MAP2K7: variants seen among roughly 807,000 people sequenced by gnomAD.
MAP2K7 encodes dual specificity mitogen-activated protein kinase kinase 7.
A neutral mutation model predicts 47.7 loss-of-function variants in MAP2K7; 12 were observed. The ratio of observed to expected loss-of-function variants is 0.25; its 90% CI spans 0.16 to 0.41. MAP2K7 has a LOEUF of 0.41. Ranked by LOEUF, MAP2K7 falls within the 10% of genes least tolerant of loss-of-function variation. MAP2K7 has a pLI of 1.00. For synonymous variants in MAP2K7, 299 were observed against 243.0 expected (o/e 1.23, Z -2.14); for missense variants, 415 against 600.3 (o/e 0.69, Z 3.23).
chr19:7,912,462 C>T lies in MAP2K7; in HGVS notation c.*31C>T. ...TGGCGGCGGCCAGCCCCACAGGGGG[C>T]CAGGGGCATGGCCACAGGCCCCCCT... On this transcript the variant is annotated 3_prime_UTR_variant, in exon 11 of 11. Coordinates refer to ENST00000397979, the MANE Select transcript of MAP2K7 (RefSeq NM_145185.4). 6.3e-7 allele frequency: 1 copy of T among 1,593,546 alleles called. No homozygotes were observed. Among genetic ancestry groups the T allele is most frequent in the Non-Finnish European group, 8.5e-7 (1 of 1,174,000 alleles).
At position 7,911,175 on chromosome 19, in the gene MAP2K7, C is replaced by A; in HGVS notation, c.855+16C>A. 1.2e-6 allele frequency: 2 copies of A among 1,608,140 alleles called. No homozygotes were observed. Among genetic ancestry groups the A allele is most frequent in the South Asian group, 1.1e-5 (1 of 90,912 alleles). ...CTACATGGCAGTGAGTGGGGGCCCC[C>A]CAGCGGGGGAGGGGGTGGGGGCTGG... On this transcript the variant is annotated intron_variant, in intron 7 of 10. Coordinates refer to ENST00000397979, the MANE Select transcript of MAP2K7 (RefSeq NM_145185.4).
intron 1 of MAP2K7, chr19:7,904,502 A>C (rs541198226): frequency 1.4e-4 from 46 of 322,208 alleles, no homozygotes; most frequent in South Asian, 9.7e-4. Flanking sequence ...AGCCCCGTGC[A>C]GCGACGATCT....
rs117424304 is a variant in MAP2K7, at chr19:7,910,202, G to A, written c.334-58G>A. 9.7e-3 allele frequency: 15,554 copies of A among 1,601,832 alleles called. 98 individuals carry two copies. Among genetic ancestry groups the A allele is most frequent in the Non-Finnish European group, 0.012 (13,900 of 1,173,806 alleles). On this transcript the variant is annotated intron_variant, in intron 3 of 10. Transcript: ENST00000397979. ...GGACCCATCCTGGGAGCGCCAGTGG[G>A]GGGCAGGGGGCGGTGGCAGAGGCCC...
At chr19:7,910,620 GCCCCTTCCTA>G in intron 5 of MAP2K7, 48 bp downstream of exon 5, 1 of 1,611,896 alleles carries the variant, frequency 6.2e-7, no homozygotes, top group Non-Finnish European at 8.5e-7. Context: ...CCTCACCCCT[GCCCCTTCCTA>G]GGGAGCAGAG....
intron 1 of MAP2K7, 49 bp downstream of exon 1, chr19:7,904,117 G>T (rs1249387212): frequency 2.5e-6 from 3 of 1,197,748 alleles, no homozygotes; most frequent in Non-Finnish European, 2.1e-6. Flanking sequence ...GGCGGGGCGC[G>T]CGCCGCGGGA....
rs572635764 is a variant in MAP2K7, at chr19:7,905,705, C to A, written c.124+1637C>A. The A allele has an allele frequency of 1.1e-4, 109 of 1,029,718 alleles. 1 individual carries two copies. The South Asian group carries it at 1.4e-3, about 13-fold the overall frequency. The allele number at this position is 1,029,718 out of a possible 1,614,324, so 63.8% of individuals were successfully genotyped here. On this transcript the variant is annotated intron_variant, in intron 1 of 10. Coordinates refer to ENST00000397979, the MANE Select transcript of MAP2K7 (RefSeq NM_145185.4). ...CCATCTCTGCAGTTCGGTGCCTCCCCCTCCTCCTCGTTTATGATTTGATTT... is the reference window on the plus strand; with the variant it reads ...CCATCTCTGCAGTTCGGTGCCTCCCACTCCTCCTCGTTTATGATTTGATTT...
In MAP2K7 at chr19:7,903,910, C is replaced by A; in HGVS notation, c.-35C>A. 2.1e-6 allele frequency: 3 copies of A among 1,460,902 alleles called. No homozygotes were observed. The highest frequency in any genetic ancestry group is 1.8e-6 in the Non-Finnish European group (2 of 1,097,644). The allele number at this position is 1,460,902 out of a possible 1,614,324, so 90.5% of individuals were successfully genotyped here. A position where few individuals can be genotyped will look rare whatever the true frequency, so the allele number is the denominator to read the frequency against. On this transcript the variant is annotated 5_prime_UTR_variant, in exon 1 of 11. Transcript: ENST00000397979. ...GTTTGTCTGCCGGACTGACGGGCGGCCGGGCGGTGCGCGGCGGCGGTGGCG... is the reference window on the plus strand; with the variant it reads ...GTTTGTCTGCCGGACTGACGGGCGGACGGGCGGTGCGCGGCGGCGGTGGCG...
At position 7,909,863 on chromosome 19, in the gene MAP2K7, C is replaced by G; in HGVS notation, c.233C>G (p.Pro78Arg). Residue 78 changes from proline to arginine, a missense_variant, in exon 2 of 11, where the codon CCG (proline) becomes CGG (arginine). By Grantham distance (103) the Pro-to-Arg change is moderately radical. Transcript: ENST00000397979. ...PARPRHMLGL[P>R]STLFTPRSME... ...CGGCCCCGCCACATGCTGGGGCTCCCGTCAACCCTGTTCACACCCCGCAGC... is the reference window on the plus strand; with the variant it reads ...CGGCCCCGCCACATGCTGGGGCTCCGGTCAACCCTGTTCACACCCCGCAGC... 6.5e-7 allele frequency: 1 copy of G among 1,537,008 alleles called. No individual in the cohort carries two copies. The highest frequency in any genetic ancestry group is 8.8e-7 in the Non-Finnish European group (1 of 1,141,018).
chr19:7,903,915 C>T lies in MAP2K7; in HGVS notation c.-30C>T, dbSNP rs750185756. 2.2e-5 allele frequency: 33 copies of T among 1,469,586 alleles called. No individual in the cohort carries two copies. Among genetic ancestry groups the T allele is most frequent in the Middle Eastern group, 1.9e-4 (1 of 5,368 alleles). 91.0% of individuals were successfully genotyped at this position (1,469,586 alleles called of 1,614,324 possible). On this transcript the variant is annotated 5_prime_UTR_variant, in exon 1 of 11. Coordinates refer to ENST00000397979, the MANE Select transcript of MAP2K7 (RefSeq NM_145185.4). ...TCTGCCGGACTGACGGGCGGCCGGGCGGTGCGCGGCGGCGGTGGCGGCGGG... is the reference window on the plus strand; with the variant it reads ...TCTGCCGGACTGACGGGCGGCCGGGTGGTGCGCGGCGGCGGTGGCGGCGGG...
chr19:7,911,589 C>T lies in MAP2K7; in HGVS notation c.1079+11C>T, dbSNP rs921586943. On this transcript the variant is annotated intron_variant, in intron 9 of 10. Coordinates refer to ENST00000397979, the MANE Select transcript of MAP2K7 (RefSeq NM_145185.4). The stretch of plus-strand genomic sequence containing the variant: ...CTTCGTCAAAGACTGGTGAGAACCT[C>T]CCTCCACTTGGGAGGTCAGGGACAG... 15 of 1,574,832 alleles carry T rather than the reference C, an allele frequency of 9.5e-6. No homozygotes were observed. Among genetic ancestry groups the T allele is most frequent in the African/African-American group, 6.7e-5 (5 of 74,110 alleles).
rs77297442 is a variant in MAP2K7 at position 7,910,028 on chromosome 19, A to T, written c.267-35A>T. On this transcript the variant is annotated intron_variant, in intron 2 of 10. Coordinates refer to ENST00000397979, the MANE Select transcript of MAP2K7 (RefSeq NM_145185.4). Reference sequence around the variant, plus strand: ...CTGGGGTGGCCAACCTAAGGTCAGGACCCACCTCCACCGGCACCTGCTCCA... The same window carrying T: ...CTGGGGTGGCCAACCTAAGGTCAGGTCCCACCTCCACCGGCACCTGCTCCA... 7 of 1,568,732 alleles carry T rather than the reference A, an allele frequency of 4.5e-6. No homozygotes were observed. The East Asian group carries it at 1.6e-4, about 36-fold the overall frequency.
intron 1 of MAP2K7, chr19:7,905,680 C>G: frequency 1.2e-6 from 1 of 801,062 alleles, no homozygotes; most frequent in South Asian, 1.4e-5. Context: ...CGGTTCCTAG[C>G]CATCTCTGCA....
rs569938338 is a variant in MAP2K7 at position 7,911,234 on chromosome 19, C to CCT, written c.856-14_856-13dup. On this transcript the variant is annotated splice_polypyrimidine_tract_variant and intron_variant, in intron 7 of 10. Coordinates refer to ENST00000397979, the MANE Select transcript of MAP2K7 (RefSeq NM_145185.4). Reference sequence around the variant, plus strand: ...CCCCAGCCTTGGAGATACGTCTTCTCCTCCCCCCCCTGCAGCCCGAGCGCA... The same window carrying CCT: ...CCCCAGCCTTGGAGATACGTCTTCTCCTCTCCCCCCCCTGCAGCCCGAGCGCA... 4 of 1,606,924 alleles carry CCT rather than the reference C, an allele frequency of 2.5e-6. No individual in the cohort carries two copies. In the African/African-American group the frequency reaches 5.4e-5, roughly 22 times the overall value.
At position 7,912,285 on chromosome 19, in the gene MAP2K7, T is replaced by C. The variant is rs781624875; in HGVS notation, c.1126-12T>C. 1 of 1,612,834 alleles carries C rather than the reference T, an allele frequency of 6.2e-7. No individual in the cohort carries two copies. The highest frequency in any genetic ancestry group is 8.5e-7 in the Non-Finnish European group (1 of 1,179,698). On this transcript the variant is annotated splice_polypyrimidine_tract_variant and intron_variant, in intron 10 of 10. Coordinates refer to ENST00000397979, the MANE Select transcript of MAP2K7 (RefSeq NM_145185.4). ...CCGTCTCCTCCTAAGCCCCACCCCCTCGGGCCCACAGGAACACAGCTTCAT... is the reference window on the plus strand; with the variant it reads ...CCGTCTCCTCCTAAGCCCCACCCCCCCGGGCCCACAGGAACACAGCTTCAT...
At position 7,904,078 on chromosome 19, in the gene MAP2K7, GC is replaced by G; in HGVS notation, c.124+11del. 1 of 1,337,090 alleles carries G rather than the reference GC, an allele frequency of 7.5e-7. No individual in the cohort carries two copies. The allele number at this position is 1,337,090 out of a possible 1,614,324, so 82.8% of individuals were successfully genotyped here. ...CAGCGGCCCAGGCCCAGTAAGCACG[GC>G]GGCGTGGGGGAGGGGGCGGGCGGGC... is the stretch of plus-strand genomic sequence containing the variant. On this transcript the variant is annotated intron_variant, in intron 1 of 10. Coordinates refer to ENST00000397979, the MANE Select transcript of MAP2K7 (RefSeq NM_145185.4).
rs1180404798 is a variant in MAP2K7 at position 7,912,683 on chromosome 19, C to A, written c.*252C>A. Reference sequence around the variant, plus strand: ...ACTGTGAACGGAAGACAGCAGGCCGCGATCAGAGTCGCTGTTCATTCAGCC... The same window carrying A: ...ACTGTGAACGGAAGACAGCAGGCCGAGATCAGAGTCGCTGTTCATTCAGCC... On this transcript the variant is annotated 3_prime_UTR_variant, in exon 11 of 11. Coordinates refer to ENST00000397979, the MANE Select transcript of MAP2K7 (RefSeq NM_145185.4). 8 of 552,812 alleles carry A rather than the reference C, an allele frequency of 1.4e-5. No individual in the cohort carries two copies. The highest frequency in any genetic ancestry group is 1.0e-4 in the Admixed American group (3 of 29,066). 34.2% of individuals were successfully genotyped at this position (552,812 alleles called of 1,614,324 possible). A position where few individuals can be genotyped will look rare whatever the true frequency, so the allele number is the denominator to read the frequency against.
chr19:7,909,340 G>T (rs1022712350), intron 1 of MAP2K7, among the ~76,000 whole-genome samples: 6 of 152,274 alleles, frequency 3.9e-5, no homozygotes, highest in Non-Finnish European at 7.3e-5. Flanking sequence ...GGCCAGCCCT[G>T]GCAGGCACTC....
chr19:7,910,392 C>T lies in MAP2K7; in HGVS notation c.447+19C>T, dbSNP rs1192633232. 6.2e-7 allele frequency: 1 copy of T among 1,606,296 alleles called. No individual in the cohort carries two copies. Among genetic ancestry groups the T allele is most frequent in the Non-Finnish European group, 8.5e-7 (1 of 1,177,070 alleles). On this transcript the variant is annotated intron_variant, in intron 4 of 10. Transcript: ENST00000397979. The stretch of plus-strand genomic sequence containing the variant: ...CGTTAAGGTGAGCCTTGGCGGCTAC[C>T]CCGGCTGCGCCCCACACCCCAGGCC...
intron 1 of MAP2K7, among the ~76,000 whole-genome samples, chr19:7,905,610 C>T (rs1277373351): frequency 1.3e-5 from 2 of 152,168 alleles, no homozygotes; most frequent in Admixed American, 1.3e-4. Context: ...GAGGAGTCCC[C>T]TCCAGGCGTC....
Sources: gnomAD v4.1 joint callset for allele counts (sites outside exome capture counted in the v4.1 genomes callset) on GRCh38, gnomAD v4.1.1 for gene constraint, MANE v1.5 for transcripts, NCBI Gene and HGNC (gene_info 2026-07-23, HGNC 2026-07-21) for gene names.